The following DRAM1 variants were observed in gnomAD, a reference collection of about 807,000 sequenced individuals.
DRAM1 encodes the protein DNA damage regulated autophagy modulator 1.
Under a neutral mutation model 28.5 loss-of-function variants are expected in DRAM1, and 25 were observed. That is an observed-to-expected ratio of 0.88 (90% CI 0.64 to 1.23). The LOEUF (loss-of-function observed/expected upper bound fraction) is 1.23. Among genes scored for constraint, DRAM1 ranks in the 50% most tolerant of loss-of-function variants. The probability of loss-of-function intolerance (pLI) is 0.00; values close to 1 mark genes in which losing one functional copy is unlikely to be tolerated. For missense variants in DRAM1, 249 were observed against 299.2 expected (o/e 0.83, Z 1.24); for synonymous variants, 113 against 114.2 (o/e 0.99, Z 0.07).
rs1259619830 is a variant in DRAM1 at position 101,920,322 on chromosome 12, G to A, written c.672+121G>A. The A allele has an allele frequency of 5.6e-5, 16 of 285,208 alleles. 1 individual carries two copies. Among genetic ancestry groups the A allele is most frequent in the Admixed American group, 9.1e-5 (1 of 10,962 alleles). 17.7% of individuals were successfully genotyped at this position (285,208 alleles called of 1,614,324 possible). A position where few individuals can be genotyped will look rare whatever the true frequency, so the allele number is the denominator to read the frequency against. On this transcript the variant is annotated intron_variant, in intron 6 of 6. Coordinates refer to ENST00000258534, the MANE Select transcript of DRAM1 (RefSeq NM_018370.3). ...CTTTTTTTTTTTTTTTTTTTGAGAC[G>A]GAGTCTCGCTCTGTCGCCCAGGCCG...
At chr12:101,894,213 G>C (rs1457597812) in intron 1 of DRAM1, among the ~76,000 whole-genome samples, 2 of 152,138 alleles carry the variant, frequency 1.3e-5, no homozygotes, top group Admixed American at 1.3e-4. Flanking sequence ...CACCTCCCAG[G>C]TTCAAATGAT....
rs1872536881 is a variant in DRAM1 at position 101,877,737 on chromosome 12, C to T, written c.-53C>T. On this transcript the variant is annotated 5_prime_UTR_variant, in exon 1 of 7. Coordinates refer to ENST00000258534, the MANE Select transcript of DRAM1 (RefSeq NM_018370.3). The surrounding 1 kb of genome is among the most constrained non-coding windows in gnomAD (Gnocchi z 4.1). The stretch of plus-strand genomic sequence containing the variant: ...CCGCCTCCAGGCAGCCCGGAGCAAC[C>T]CGGCGCCCGGCCCCGCTGGGCGCAG... The T allele has an allele frequency of 1.5e-6, 2 of 1,355,386 alleles. No homozygotes were observed. The highest frequency in any genetic ancestry group is 1.5e-5 in the African/African-American group (1 of 65,602). 84.0% of individuals were successfully genotyped at this position (1,355,386 alleles called of 1,614,324 possible). A position where few individuals can be genotyped will look rare whatever the true frequency, so the allele number is the denominator to read the frequency against.
At chr12:101,897,534 TTG>T (rs1491422919) in intron 1 of DRAM1, among the ~76,000 whole-genome samples, 33 of 113,308 alleles carry the variant, frequency 2.9e-4, no homozygotes, top group African/African-American at 1.1e-3. Flanking sequence ...TTTTTTGTTT[TTG>T]TTTTTCTTTT....
At chr12:101,903,976 A>G (rs1873700532) in intron 3 of DRAM1, among the ~76,000 whole-genome samples, 1 of 151,718 alleles carries the variant, frequency 6.6e-6, no homozygotes, top group African/African-American at 2.4e-5. Context: ...TATAAGCCTC[A>G]TAAATATGAA....
chr12:101,904,423 AGG>A (rs1178367106), intron 3 of DRAM1, among the ~76,000 whole-genome samples: 1 of 64,274 alleles, frequency 1.6e-5, no homozygotes, highest in Non-Finnish European at 2.4e-5. Context: ...ATAGAGCTTT[AGG>A]GGTTTTTTTT....
In DRAM1 at chr12:101,910,335, C is replaced by T. The variant is rs544354757; in HGVS notation, c.520+1972C>T. Among the ~76,000 whole-genome samples, 5 of 152,266 alleles carry T rather than the reference C, an allele frequency of 3.3e-5. No individual in the cohort carries two copies. In the East Asian group the frequency reaches 7.7e-4, roughly 23 times the overall value. Reference sequence around the variant, plus strand: ...ATTCATAATAGTGGTTGTAGTGTTACAAGCAAAGTTTCTTGATGCAGGAAA... The same window carrying T: ...ATTCATAATAGTGGTTGTAGTGTTATAAGCAAAGTTTCTTGATGCAGGAAA... On this transcript the variant is annotated intron_variant, in intron 4 of 6. Coordinates refer to ENST00000258534, the MANE Select transcript of DRAM1 (RefSeq NM_018370.3).
chr12:101,916,620 A>G (rs903348659), intron 5 of DRAM1, among the ~76,000 whole-genome samples: 9 of 152,194 alleles, frequency 5.9e-5, no homozygotes, highest in African/African-American at 2.2e-4. Context: ...AGGAGAATCA[A>G]GGATGCCCCA....
chr12:101,890,484 A>G (rs1007113442), intron 1 of DRAM1, among the ~76,000 whole-genome samples: 1 of 152,250 alleles, frequency 6.6e-6, no homozygotes, highest in Non-Finnish European at 1.5e-5. Context: ...CTCCCTCTTT[A>G]TCACCATACT....
At chr12:101,894,349 C>T (rs1455675592) in intron 1 of DRAM1, among the ~76,000 whole-genome samples, 5 of 151,828 alleles carry the variant, frequency 3.3e-5, no homozygotes, top group Non-Finnish European at 5.9e-5. Context: ...ACTCCTAACC[C>T]GAAGTGATCC....
intron 6 of DRAM1, 92 bp downstream of exon 6, chr12:101,920,293 C>CTTTTTTTT: frequency 3.1e-5 from 8 of 262,172 alleles, no homozygotes; most frequent in Admixed American, 2.8e-4. Flanking sequence ...AAAAAGAGCA[C>CTTTTTTTT]TTTCTTTTTT....
chr12:101,917,458 C>T (rs548022154), intron 5 of DRAM1, among the ~76,000 whole-genome samples: 11 of 151,926 alleles, frequency 7.2e-5, no homozygotes, highest in Non-Finnish European at 1.2e-4. Context: ...GAGGCCAAGG[C>T]GGGTGGATCA....
chr12:101,887,645 C>T (rs1594292638), intron 1 of DRAM1, among the ~76,000 whole-genome samples: 1 of 151,930 alleles, frequency 6.6e-6, no homozygotes, highest in Non-Finnish European at 1.5e-5. Context: ...ATTCTCTGGC[C>T]TCAACCCCCT....
chr12:101,894,407 A>G (rs4764667), intron 1 of DRAM1, among the ~76,000 whole-genome samples: 88,925 of 151,854 alleles, frequency 0.59, 27,963 homozygotes, highest in African/African-American at 0.82. Context: ...ATGAGCTACC[A>G]CACCCGGCCA....
At chr12:101,889,940 C>CAAA (rs778793274) in intron 1 of DRAM1, 628 of 244,652 alleles carry the variant, frequency 2.6e-3, no homozygotes, top group Middle Eastern at 4.7e-3. Context: ...GACTCTGTCT[C>CAAA]AAAAAAAAAA....
intron 2 of DRAM1, 59 bp downstream of exon 2, chr12:101,897,989 A>T: frequency 1.0e-6 from 1 of 993,490 alleles, no homozygotes; most frequent in Non-Finnish European, 1.5e-6. Flanking sequence ...AGTGAAGTTG[A>T]TGTGTCATTT....
At chr12:101,897,653 C>T (rs1285112125) in intron 1 of DRAM1, among the ~76,000 whole-genome samples, 1 of 151,800 alleles carries the variant, frequency 6.6e-6, no homozygotes, top group African/African-American at 2.4e-5. Context: ...TGGCTTTTTA[C>T]TATGGAATCT....
At chr12:101,911,120 C>T (rs1207915591) in intron 4 of DRAM1, among the ~76,000 whole-genome samples, 2 of 152,048 alleles carry the variant, frequency 1.3e-5, no homozygotes, top group African/African-American at 4.8e-5. Flanking sequence ...CCTTTAGTCC[C>T]AGCTACTTGG....
chr12:101,917,330 G>A (rs1874284484), intron 5 of DRAM1, among the ~76,000 whole-genome samples: 1 of 152,166 alleles, frequency 6.6e-6, no homozygotes, highest in Admixed American at 6.5e-5. Flanking sequence ...GGTAATGGAA[G>A]CCTGCCAAGA....
intron 1 of DRAM1, among the ~76,000 whole-genome samples, chr12:101,895,420 T>A (rs1873321938): frequency 1.3e-5 from 2 of 149,704 alleles, no homozygotes; most frequent in South Asian, 4.3e-4. Flanking sequence ...TCAAGTGATC[T>A]TCCCGCCTCG....
Sources: gnomAD v4.1 joint callset for allele counts (sites outside exome capture counted in the v4.1 genomes callset) on GRCh38, gnomAD v4.1.1 for gene constraint, Gnocchi (gnomAD v3.1) non-coding constraint, MANE v1.5 for transcripts, NCBI Gene and HGNC (gene_info 2026-07-23, HGNC 2026-07-21) for gene names.